Variants in SYT2 observed in about 807,000 individuals in gnomAD.
The protein encoded by SYT2 is synaptotagmin-2.
A neutral mutation model predicts 39.9 loss-of-function variants in SYT2; 15 were observed. The observed-to-expected ratio is 0.38, with a 90% CI of 0.25 to 0.58. The LOEUF is 0.58. Ranked by LOEUF, SYT2 falls within the 20% of genes least tolerant of loss-of-function variation. The pLI, the probability that SYT2 is intolerant of heterozygous loss-of-function variation, is 0.70. For missense variants in SYT2, 389 were observed against 530.3 expected, an observed-to-expected ratio of 0.73 and a Z score of 2.62; for synonymous variants, 181 against 204.5, an observed-to-expected ratio of 0.89 and a Z score of 0.98.
intron 1 of SYT2, among the ~76,000 whole-genome samples, chr1:202,620,693 G>A (rs1044361775): frequency 4.6e-5 from 7 of 152,066 alleles, no homozygotes; most frequent in African/African-American, 1.7e-4. Context: ...GATATGCTCA[G>A]AGCTCAGCCA....
intron 1 of SYT2, among the ~76,000 whole-genome samples, chr1:202,664,985 A>T (rs969605909): frequency 2.0e-5 from 3 of 152,180 alleles, no homozygotes; most frequent in African/African-American, 7.2e-5. Context: ...TCTAAGATTC[A>T]TTCATGTCGT....
chr1:202,672,472 A>G (rs1692611695), intron 1 of SYT2, among the ~76,000 whole-genome samples: 1 of 152,008 alleles, frequency 6.6e-6, no homozygotes, highest in South Asian at 2.1e-4. Flanking sequence ...GTGAGAAATA[A>G]AGGTCTGTTG....
chr1:202,624,740 T>A (rs1222498300), intron 1 of SYT2, among the ~76,000 whole-genome samples: 4 of 149,086 alleles, frequency 2.7e-5, no homozygotes, highest in Non-Finnish European at 5.9e-5. Context: ...GTGTGTGGCA[T>A]GTAGTAGGGT....
intron 1 of SYT2, among the ~76,000 whole-genome samples, chr1:202,694,577 C>T (rs1195397499): frequency 6.6e-6 from 1 of 152,118 alleles, no homozygotes; most frequent in Non-Finnish European, 1.5e-5. Context: ...CACACACACA[C>T]ACACAAAGCC....
intron 1 of SYT2, among the ~76,000 whole-genome samples, chr1:202,646,695 G>C (rs1201130162): frequency 6.6e-6 from 1 of 152,218 alleles, no homozygotes; most frequent in Non-Finnish European, 1.5e-5. Context: ...TGTATATAGA[G>C]AGACTAGCGC....
At chr1:202,649,855 T>C (rs1692158738) in intron 1 of SYT2, among the ~76,000 whole-genome samples, 1 of 152,236 alleles carries the variant, frequency 6.6e-6, no homozygotes, top group Admixed American at 6.5e-5. Flanking sequence ...ATTCAAGCAC[T>C]GGTCTGTGGA....
intron 1 of SYT2, among the ~76,000 whole-genome samples, chr1:202,618,091 G>A (rs1361533571): frequency 6.6e-5 from 10 of 152,096 alleles, no homozygotes; most frequent in East Asian, 3.9e-4. Context: ...TTGTAGAGAC[G>A]GGGTTTCACC....
chr1:202,621,053 C>A (rs1405258717), intron 1 of SYT2, among the ~76,000 whole-genome samples: 1 of 152,108 alleles, frequency 6.6e-6, no homozygotes. Flanking sequence ...CTTCTATATT[C>A]ACAGCACGGC....
At chr1:202,600,852 G>A (rs568825467) in intron 6 of SYT2, among the ~76,000 whole-genome samples, 5 of 152,302 alleles carry the variant, frequency 3.3e-5, no homozygotes, top group African/African-American at 1.2e-4. Context: ...GAAGGTGTGC[G>A]AGAAGCGGGT....
chr1:202,598,474 C>A (rs1462953926), intron 8 of SYT2, among the ~76,000 whole-genome samples: 1 of 152,212 alleles, frequency 6.6e-6, no homozygotes, highest in Non-Finnish European at 1.5e-5. Flanking sequence ...CCATAGATGA[C>A]AGAACCAACT....
intron 1 of SYT2, 47 bp from the exon 2 acceptor site, chr1:202,605,836 C>T: frequency 6.7e-7 from 1 of 1,487,200 alleles, no homozygotes; most frequent in African/African-American, 1.4e-5. Context: ...CAGAGGTCGT[C>T]TTACCCTGAG....
In SYT2 at chr1:202,596,415, A is replaced by C. The variant is rs1361429284; in HGVS notation, c.*342T>G. ...TTTGTTGGTCCAGAAGGCTCAAAAA[A>C]CAGGAACTGCTGCAAGTTTGTGCCA... On this transcript the variant is annotated 3_prime_UTR_variant, in exon 9 of 9. Transcript: ENST00000367268. 1 of 243,104 alleles carries C rather than the reference A, an allele frequency of 4.1e-6. No individual in the cohort carries two copies. Among genetic ancestry groups the C allele is most frequent in the African/African-American group, 2.3e-5 (1 of 43,708 alleles). 15.1% of individuals were successfully genotyped at this position (243,104 alleles called of 1,614,324 possible).
intron 6 of SYT2, 96 bp from the exon 7 acceptor site, chr1:202,600,570 T>C (rs531725391): frequency 1.4e-5 from 15 of 1,056,164 alleles, no homozygotes; most frequent in Admixed American, 3.5e-5. Flanking sequence ...AAGGCAGTGA[T>C]GTGTCCCTGC....
chr1:202,618,981 A>G (rs1370361848), intron 1 of SYT2, among the ~76,000 whole-genome samples: 1 of 152,178 alleles, frequency 6.6e-6, no homozygotes, highest in Non-Finnish European at 1.5e-5. Flanking sequence ...CAGTTGTCCA[A>G]GGTCGCACAG....
intron 1 of SYT2, among the ~76,000 whole-genome samples, chr1:202,622,862 G>A (rs1292869983): frequency 6.6e-6 from 1 of 152,172 alleles, no homozygotes; most frequent in East Asian, 1.9e-4. Context: ...CAGCCTGTGA[G>A]GGCTGAGGGA....
intron 1 of SYT2, among the ~76,000 whole-genome samples, chr1:202,689,254 T>C (rs1211863914): frequency 6.6e-6 from 1 of 152,146 alleles, no homozygotes; most frequent in African/African-American, 2.4e-5. Flanking sequence ...CCACCTCACA[T>C]GTGCAATGAT....
At chr1:202,612,900 C>A (rs187208802) in intron 1 of SYT2, among the ~76,000 whole-genome samples, 3 of 152,042 alleles carry the variant, frequency 2.0e-5, no homozygotes, top group Non-Finnish European at 4.4e-5. Context: ...AACTACACAT[C>A]TTGCACTTCT....
At chr1:202,671,286 G>T (rs1164549836) in intron 1 of SYT2, among the ~76,000 whole-genome samples, 1 of 152,184 alleles carries the variant, frequency 6.6e-6, no homozygotes, top group Non-Finnish European at 1.5e-5. Flanking sequence ...GGAAAGTGCT[G>T]CCACTCCTGC....
At chr1:202,672,178 C>T (rs963823181) in intron 1 of SYT2, among the ~76,000 whole-genome samples, 5 of 152,162 alleles carry the variant, frequency 3.3e-5, no homozygotes, top group Admixed American at 1.3e-4. Context: ...AGTTTGAAAA[C>T]AATAAAATAT....
Sources: allele counts gnomAD v4.1 joint callset (sites outside exome capture counted in the v4.1 genomes callset), GRCh38; gene constraint gnomAD v4.1.1; transcripts MANE v1.5; gene names NCBI Gene and HGNC (gene_info 2026-07-23, HGNC 2026-07-21).